ODAD2: variants seen among roughly 807,000 people sequenced by gnomAD.
ODAD2 encodes the protein outer dynein arm docking complex subunit 2, also known as outer dynein arm-docking complex subunit 2.
A neutral mutation model predicts 106.8 loss-of-function variants in ODAD2; 89 were observed. That is an observed-to-expected ratio of 0.83 (90% CI 0.70 to 0.99). ODAD2 has a LOEUF of 0.99. ODAD2 is among the 50% of genes least tolerant of loss of function. ODAD2 has a pLI of 0.00. For missense variants in ODAD2, 1,168 were observed against 1,238.5 expected (o/e 0.94, Z 0.85); for synonymous variants, 404 against 436.2 (o/e 0.93, Z 0.92).
chr10:27,853,333 A>G, intron 19 of ODAD2: 1 of 286,646 alleles, frequency 3.5e-6, no homozygotes, highest in South Asian at 3.2e-5. Flanking sequence ...TTGTCACTGC[A>G]CTCTAGCCTG....
At chr10:27,881,191 G>T (rs1435463276) in intron 17 of ODAD2, among the ~76,000 whole-genome samples, 5 of 152,100 alleles carry the variant, frequency 3.3e-5, no homozygotes, top group African/African-American at 1.2e-4. Context: ...ATTATTTTTA[G>T]AAAGTATGTG....
intron 17 of ODAD2, among the ~76,000 whole-genome samples, chr10:27,872,609 A>G (rs1840986111): frequency 6.6e-6 from 1 of 152,166 alleles, no homozygotes; most frequent in African/African-American, 2.4e-5. Flanking sequence ...ATCCATTGAG[A>G]TAATCATGTG....
intron 19 of ODAD2, among the ~76,000 whole-genome samples, chr10:27,816,072 C>T (rs182460905): frequency 6.6e-6 from 1 of 152,184 alleles, no homozygotes; most frequent in Non-Finnish European, 1.5e-5. Flanking sequence ...CTCCCCTATG[C>T]TGCATCCAAC....
chr10:27,850,503 G>A (rs1839178579), intron 19 of ODAD2, among the ~76,000 whole-genome samples: 2 of 150,866 alleles, frequency 1.3e-5, no homozygotes, highest in African/African-American at 4.9e-5. Context: ...GTTGTAGTGA[G>A]CTGATATCGT....
chr10:27,860,818 G>T lies in ODAD2; in HGVS notation c.2828C>A (p.Ala943Glu), dbSNP rs747517841. ...CATACAGCAACGTGAAATAGCTTCT[G>T]CTAGATGATGTCTCAATTTATTGTT... is the stretch of plus-strand genomic sequence containing the variant. The part of the protein sequence containing the change: ...TNNNKLRHHL[A>E]EAISRCCMWG... Residue 943 changes from alanine to glutamate, a missense_variant, in exon 19 of 20, where the codon GCA (alanine) becomes GAA (glutamate). Ala to Glu is a moderately radical substitution (Grantham distance 107). Transcript: ENST00000305242. 6.2e-7 allele frequency: 1 copy of T among 1,614,142 alleles called. No homozygotes were observed. The highest frequency in any genetic ancestry group is 1.1e-5 in the South Asian group (1 of 91,086).
At chr10:27,837,615 A>G (rs752546092) in intron 19 of ODAD2, among the ~76,000 whole-genome samples, 11 of 152,214 alleles carry the variant, frequency 7.2e-5, no homozygotes, top group Non-Finnish European at 2.9e-5. Flanking sequence ...TAAATGGAAC[A>G]TTAGGGTGCT....
chr10:27,846,870 C>G (rs531731373), intron 19 of ODAD2, among the ~76,000 whole-genome samples: 2 of 151,786 alleles, frequency 1.3e-5, no homozygotes, highest in Non-Finnish European at 2.9e-5. Flanking sequence ...CAAGACTAAA[C>G]CAGGAAGAAG....
At chr10:27,901,966 T>C (rs1843238030) in intron 17 of ODAD2, among the ~76,000 whole-genome samples, 1 of 151,640 alleles carries the variant, frequency 6.6e-6, no homozygotes, top group Non-Finnish European at 1.5e-5. Flanking sequence ...CTAATAGACA[T>C]CTACATAACT....
At chr10:27,898,869 C>T (rs1443082930) in intron 17 of ODAD2, among the ~76,000 whole-genome samples, 1 of 152,008 alleles carries the variant, frequency 6.6e-6, no homozygotes, top group African/African-American at 2.4e-5. Flanking sequence ...CAAATGATTC[C>T]ATTAATGGGT....
rs189930293 is a variant in ODAD2 at position 27,870,856 on chromosome 10, T to C, written c.2611-8234A>G. Among the ~76,000 whole-genome samples, 3 of 152,346 alleles carry C rather than the reference T, an allele frequency of 2.0e-5. No homozygotes were observed. The East Asian group carries it at 5.8e-4, about 29-fold the overall frequency. On this transcript the variant is annotated intron_variant, in intron 17 of 19. Coordinates refer to ENST00000305242, the MANE Select transcript of ODAD2 (RefSeq NM_018076.5). ...TTATAGCAACATGATTCATAATCCT[T>C]TGGGTATATACCCAGTAATGGGATG...
intron 7 of ODAD2, among the ~76,000 whole-genome samples, chr10:27,973,700 G>T (rs544667798): frequency 3.9e-5 from 6 of 152,238 alleles, no homozygotes; most frequent in African/African-American, 1.4e-4. Context: ...TGGCCATTTA[G>T]GTTGACTTGA....
intron 19 of ODAD2, among the ~76,000 whole-genome samples, chr10:27,833,601 T>C (rs554898823): frequency 6.6e-6 from 1 of 152,328 alleles, no homozygotes; most frequent in Non-Finnish European, 1.5e-5. Context: ...GAAGAGTATT[T>C]TGATATTAGG....
intron 2 of ODAD2, among the ~76,000 whole-genome samples, chr10:27,991,670 G>T (rs1162876871): frequency 3.9e-5 from 6 of 152,112 alleles, no homozygotes; most frequent in Non-Finnish European, 8.8e-5. Context: ...AACTTAACTT[G>T]TTTTGGAACA....
intron 19 of ODAD2, among the ~76,000 whole-genome samples, chr10:27,828,993 G>A (rs2991935): frequency 0.63 from 95,428 of 151,922 alleles, 33,027 homozygotes; most frequent in Non-Finnish European, 0.79. Flanking sequence ...GAAGAAATTC[G>A]AAACCAAAGA....
chr10:27,988,472 G>T (rs753277037), intron 2 of ODAD2, among the ~76,000 whole-genome samples: 9 of 151,696 alleles, frequency 5.9e-5, no homozygotes, highest in Non-Finnish European at 1.0e-4. Context: ...AAGTAGCTGG[G>T]ACTAGAGGCA....
chr10:27,972,817 CA>C (rs1848944380), intron 7 of ODAD2, among the ~76,000 whole-genome samples: 1 of 151,962 alleles, frequency 6.6e-6, no homozygotes, highest in Admixed American at 6.6e-5. Context: ...TGGTAGACTT[CA>C]AAACTCTCTC....
Position 27,920,423 on chromosome 10 carries a change from T to A in ODAD2, c.2496-12646A>T, listed in dbSNP as rs1844694122. 5.3e-5 allele frequency among the ~76,000 whole-genome samples: 8 copies of A among 152,226 alleles called. No individual in the cohort carries two copies. The South Asian group carries it at 1.7e-3, about 32-fold the overall frequency. On this transcript the variant is annotated intron_variant, in intron 16 of 19. Coordinates refer to ENST00000305242, the MANE Select transcript of ODAD2 (RefSeq NM_018076.5). The stretch of plus-strand genomic sequence containing the variant: ...AAGCCCATTCTTTCATCTATTAATA[T>A]GCGTGCATATCACAACTGGCTGGAT...
chr10:27,994,900 A>G lies in ODAD2; in HGVS notation c.224+19T>C, dbSNP rs751228046. ...GTACAACGAAGATATCAAATCCTAG[A>G]AGCAAGTAACTGGCTTACCTGACAA... is the stretch of plus-strand genomic sequence containing the variant. On this transcript the variant is annotated intron_variant, in intron 2 of 19. Coordinates refer to ENST00000305242, the MANE Select transcript of ODAD2 (RefSeq NM_018076.5). 6.2e-7 allele frequency: 1 copy of G among 1,612,864 alleles called. No individual in the cohort carries two copies. Among genetic ancestry groups the G allele is most frequent in the African/African-American group, 1.3e-5 (1 of 74,936 alleles).
chr10:27,832,475 G>A (rs1483171982), intron 19 of ODAD2, among the ~76,000 whole-genome samples: 1 of 151,878 alleles, frequency 6.6e-6, no homozygotes, highest in South Asian at 2.1e-4. Flanking sequence ...TCGCAGCCAG[G>A]TTCTCTAATT....
Sources: gnomAD v4.1 joint callset for allele counts (sites outside exome capture counted in the v4.1 genomes callset) on GRCh38, gnomAD v4.1.1 for gene constraint, MANE v1.5 for transcripts, NCBI Gene and HGNC (gene_info 2026-07-23, HGNC 2026-07-21) for gene names.